The following IQCM variants were observed in gnomAD, a reference collection of about 807,000 sequenced individuals.
IQCM encodes the protein IQ domain-containing protein M.
IQCM carries 45 observed loss-of-function variants against 57.6 expected under a neutral mutation model. The observed-to-expected ratio is 0.78, with a 90% CI of 0.62 to 1.00. The LOEUF is 1.00. Among genes scored for constraint, IQCM ranks in the 50% least tolerant of loss-of-function variants. The pLI is 0.00. For missense variants in IQCM, 468 were observed against 511.6 expected (o/e 0.91, Z 0.82); for synonymous variants, 148 against 158.9 (o/e 0.93, Z 0.51).
At chr4:149,472,641 C>T (rs1739702641) in intron 12 of IQCM, among the ~76,000 whole-genome samples, 1 of 151,894 alleles carries the variant, frequency 6.6e-6, no homozygotes, top group Non-Finnish European at 1.5e-5. Flanking sequence ...CATATGGAAC[C>T]AAAAAAGAGC....
chr4:149,711,755 C>T (rs1764577783), intron 5 of IQCM, among the ~76,000 whole-genome samples: 1 of 152,128 alleles, frequency 6.6e-6, no homozygotes, highest in Non-Finnish European at 1.5e-5. Flanking sequence ...ACTTAAAGGC[C>T]ATACTTAGCA....
chr4:149,707,665 G>A (rs892042704), intron 5 of IQCM, among the ~76,000 whole-genome samples: 1 of 151,976 alleles, frequency 6.6e-6, no homozygotes, highest in Non-Finnish European at 1.5e-5. Context: ...TGCTTCCAGT[G>A]GACTTGGGGG....
In IQCM at chr4:149,669,227, T is replaced by C. The variant is rs895431068; in HGVS notation, c.565+12891A>G. ...GTTTTGATTTGCATTTCTCTGATGG[T>C]CAGTGATGATGAGCATTTTTTTATG... On this transcript the variant is annotated intron_variant, in intron 7 of 13. Coordinates refer to ENST00000636793, the MANE Select transcript of IQCM (RefSeq NM_001363507.2). Among the ~76,000 whole-genome samples, 9 of 152,284 alleles carry C rather than the reference T, an allele frequency of 5.9e-5. No individual in the cohort carries two copies. In the East Asian group the frequency reaches 7.7e-4, roughly 13 times the overall value.
chr4:149,468,670 T>C (rs1739148159), intron 12 of IQCM, among the ~76,000 whole-genome samples: 1 of 152,206 alleles, frequency 6.6e-6, no homozygotes, highest in Admixed American at 6.5e-5. Flanking sequence ...ACAGACAGAC[T>C]GCCTCCTCAA....
At chr4:149,543,709 GT>G (rs1748093434) in intron 12 of IQCM, among the ~76,000 whole-genome samples, 1 of 150,608 alleles carries the variant, frequency 6.6e-6, no homozygotes, top group Non-Finnish European at 1.5e-5. Flanking sequence ...TTGTGCACAG[GT>G]ACCCTAAAAC....
At chr4:149,664,120 T>G (rs2150160484) in intron 7 of IQCM, among the ~76,000 whole-genome samples, 1 of 152,262 alleles carries the variant, frequency 6.6e-6, no homozygotes, top group African/African-American at 2.4e-5. Flanking sequence ...CATTGAATTC[T>G]TCAGCTCTAA....
intron 7 of IQCM, among the ~76,000 whole-genome samples, chr4:149,631,757 A>G (rs2150094793): frequency 6.6e-6 from 1 of 152,300 alleles, no homozygotes; most frequent in African/African-American, 2.4e-5. Flanking sequence ...TGACTCACAT[A>G]CTGCCACCTC....
intron 10 of IQCM, among the ~76,000 whole-genome samples, chr4:149,555,712 G>A (rs1749514453): frequency 6.6e-6 from 1 of 152,104 alleles, no homozygotes. Flanking sequence ...TTATAATTAA[G>A]AATCAAGCAG....
chr4:149,433,542 T>A lies in IQCM; in HGVS notation c.1244A>T (p.Tyr415Phe), dbSNP rs1735065365. ...DLVHQDGKEK[Y>F]SELIKKSKAI... ...TTTGGACTTTTTGATTAGTTCAGAA[T>A]ATTTTTCTTTGCCATCTATAAAGAA... The change falls in exon 13 of 14, where the codon TAT becomes TTT. Residue 415 changes from tyrosine (Y) to phenylalanine (F), a missense_variant. By Grantham distance (22) the Tyr-to-Phe change is conservative. Coordinates refer to ENST00000636793, the MANE Select transcript of IQCM (RefSeq NM_001363507.2). 2 of 1,160,048 alleles carry A rather than the reference T, an allele frequency of 1.7e-6. No individual in the cohort carries two copies. Among genetic ancestry groups the A allele is most frequent in the Non-Finnish European group, 1.1e-6 (1 of 922,874 alleles). The allele number at this position is 1,160,048 out of a possible 1,614,324, so 71.9% of individuals were successfully genotyped here.
intron 12 of IQCM, among the ~76,000 whole-genome samples, chr4:149,502,782 G>A (rs753165288): frequency 4.9e-4 from 75 of 152,176 alleles, no homozygotes; most frequent in Non-Finnish European, 8.8e-4. Flanking sequence ...AGCAATGAAC[G>A]GTCAAATCAT....
At chr4:149,594,655 G>A (rs1274456558) in intron 8 of IQCM, among the ~76,000 whole-genome samples, 2 of 152,100 alleles carry the variant, frequency 1.3e-5, no homozygotes, top group Non-Finnish European at 2.9e-5. Context: ...GGTATGTTGT[G>A]TCTTTGTTCT....
intron 7 of IQCM, among the ~76,000 whole-genome samples, chr4:149,639,868 G>A (rs973340861): frequency 6.6e-6 from 1 of 152,132 alleles, no homozygotes; most frequent in African/African-American, 2.4e-5. Flanking sequence ...GGTGGAGGTT[G>A]CATTGAGCCA....
At chr4:149,572,168 A>G (rs1289586970) in intron 9 of IQCM, among the ~76,000 whole-genome samples, 1 of 152,074 alleles carries the variant, frequency 6.6e-6, no homozygotes, top group Non-Finnish European at 1.5e-5. Flanking sequence ...GAATAGTAAT[A>G]ATGTGCAGAC....
At chr4:149,701,367 G>T (rs150716554) in intron 5 of IQCM, among the ~76,000 whole-genome samples, 1 of 152,158 alleles carries the variant, frequency 6.6e-6, no homozygotes, top group East Asian at 1.9e-4. Context: ...ATAGCAAGAA[G>T]AATATTCATG....
In IQCM at chr4:149,648,167, T is replaced by TA. The variant is rs558265055; in HGVS notation, c.566-26924dup. Among the ~76,000 whole-genome samples, 85 of 152,344 alleles carry TA rather than the reference T, an allele frequency of 5.6e-4. 2 individuals are homozygous for TA. The South Asian group carries it at 0.016, about 28-fold the overall frequency. Reference sequence around the variant, plus strand: ...CATGGAATATAATTGCTTTAGTATCTAATCTTATCATTCCAATATCTGAAT... The same window carrying TA: ...CATGGAATATAATTGCTTTAGTATCTAAATCTTATCATTCCAATATCTGAAT... On this transcript the variant is annotated intron_variant, in intron 7 of 13. Transcript: ENST00000636793.
chr4:149,738,674 C>T (rs1580168183), intron 3 of IQCM, among the ~76,000 whole-genome samples: 1 of 152,224 alleles, frequency 6.6e-6, no homozygotes, highest in East Asian at 1.9e-4. Flanking sequence ...GAAAGGCAGC[C>T]AAGGTCAGAA....
At chr4:149,476,691 G>A (rs1244356837) in intron 12 of IQCM, among the ~76,000 whole-genome samples, 1 of 152,048 alleles carries the variant, frequency 6.6e-6, no homozygotes, top group Non-Finnish European at 1.5e-5. Context: ...ATATCTATCA[G>A]ACTAGATTTA....
intron 13 of IQCM, among the ~76,000 whole-genome samples, chr4:149,404,281 A>G (rs1732825437): frequency 6.6e-6 from 1 of 152,042 alleles, no homozygotes; most frequent in Admixed American, 6.6e-5. Context: ...TAGAAAATCA[A>G]TCAGTATAGT....
At chr4:149,597,582 G>T (rs1217704660) in intron 8 of IQCM, among the ~76,000 whole-genome samples, 1 of 151,984 alleles carries the variant, frequency 6.6e-6, no homozygotes, top group Non-Finnish European at 1.5e-5. Flanking sequence ...GTAGAGATGG[G>T]GTTTTGCCAT....
Sources: gnomAD v4.1 joint callset for allele counts (sites outside exome capture counted in the v4.1 genomes callset) on GRCh38, gnomAD v4.1.1 for gene constraint, MANE v1.5 for transcripts, NCBI Gene and HGNC (gene_info 2026-07-23, HGNC 2026-07-21) for gene names.